Variants in SORBS2 observed in about 807,000 individuals in gnomAD.
SORBS2 encodes the protein sorbin and SH3 domain containing 2, also known as sorbin and SH3 domain-containing protein 2.
Under a neutral mutation model 97.7 loss-of-function variants are expected in SORBS2, and 46 were observed. That is an observed-to-expected ratio of 0.47 (90% CI 0.37 to 0.60). The LOEUF (loss-of-function observed/expected upper bound fraction) is 0.60, where lower values mean the gene tolerates loss of function less well. Ranked by LOEUF, SORBS2 falls within the 20% of genes least tolerant of loss-of-function variation. The pLI is 0.00. For missense variants in SORBS2, 1,316 were observed against 1,282.3 expected (o/e 1.03, Z -0.40); for synonymous variants, 476 against 473.4 (o/e 1.01, Z -0.07).
intron 9 of SORBS2, among the ~76,000 whole-genome samples, chr4:185,615,723 T>C (rs1006273986): frequency 1.5e-4 from 23 of 152,222 alleles, no homozygotes; most frequent in African/African-American, 5.3e-4. Flanking sequence ...TTATTTTGTG[T>C]AACAGAAAAG....
intron 4 of SORBS2, among the ~76,000 whole-genome samples, chr4:185,632,679 C>T (rs933980003): frequency 1.3e-5 from 2 of 152,172 alleles, no homozygotes; most frequent in Non-Finnish European, 2.9e-5. Flanking sequence ...TCACAACACT[C>T]TTAGAACAAC....
intron 2 of SORBS2, among the ~76,000 whole-genome samples, chr4:185,751,988 G>T (rs80228724): frequency 0.035 from 5,355 of 152,186 alleles, 329 homozygotes; most frequent in African/African-American, 0.12. Flanking sequence ...GGATGGGGGT[G>T]CTAACTGCCA....
chr4:185,617,039 G>A (rs1004341075), intron 9 of SORBS2, among the ~76,000 whole-genome samples: 6 of 152,200 alleles, frequency 3.9e-5, no homozygotes, highest in Admixed American at 1.3e-4. Context: ...ATGAGCCACC[G>A]TGCCCAGCTG....
At chr4:185,736,152 G>A (rs1188185217) in intron 2 of SORBS2, among the ~76,000 whole-genome samples, 1 of 152,220 alleles carries the variant, frequency 6.6e-6, no homozygotes, top group African/African-American at 2.4e-5. Flanking sequence ...TCATCCCACA[G>A]AGTTTGCCTT....
chr4:185,726,296 C>A (rs2098554080), intron 2 of SORBS2, among the ~76,000 whole-genome samples: 1 of 152,092 alleles, frequency 6.6e-6, no homozygotes, highest in East Asian at 1.9e-4. Flanking sequence ...TTTTCTGTGC[C>A]ACTTCATCTT....
At chr4:185,828,468 TATC>T (rs992364475) in intron 1 of SORBS2, among the ~76,000 whole-genome samples, 24 of 151,958 alleles carry the variant, frequency 1.6e-4, no homozygotes, top group African/African-American at 5.8e-4. Flanking sequence ...AAATCATCAT[TATC>T]ATCATCATCA....
chr4:185,641,422 C>T (rs1483195156), intron 4 of SORBS2, among the ~76,000 whole-genome samples: 5 of 151,952 alleles, frequency 3.3e-5, no homozygotes, highest in Non-Finnish European at 4.4e-5. Context: ...CTGTGGTTGC[C>T]GTATTGAATC....
At chr4:185,846,530 A>G (rs149590538) in intron 1 of SORBS2, among the ~76,000 whole-genome samples, 7 of 152,340 alleles carry the variant, frequency 4.6e-5, no homozygotes, top group Non-Finnish European at 7.3e-5. Flanking sequence ...AAAAAGGTGA[A>G]TACTGTATAT....
intron 1 of SORBS2, among the ~76,000 whole-genome samples, chr4:185,778,416 CA>C (rs1406969225): frequency 1.2e-4 from 18 of 149,912 alleles, no homozygotes; most frequent in African/African-American, 4.4e-4. Context: ...CACGGACCAA[CA>C]TTAACGTCAT....
intron 1 of SORBS2, among the ~76,000 whole-genome samples, chr4:185,777,917 C>T (rs2099007810): frequency 6.6e-6 from 1 of 152,126 alleles, no homozygotes; most frequent in Admixed American, 6.5e-5. Flanking sequence ...TCTCCTTGTA[C>T]CCCACAAATT....
At chr4:185,588,804 G>A (rs1011819153) in intron 14 of SORBS2, among the ~76,000 whole-genome samples, 9 of 152,024 alleles carry the variant, frequency 5.9e-5, no homozygotes, top group Non-Finnish European at 8.8e-5. Flanking sequence ...TGGTAGATAC[G>A]GGGTTTCACC....
At chr4:185,704,380 G>A (rs1239462738) in intron 2 of SORBS2, among the ~76,000 whole-genome samples, 11 of 151,952 alleles carry the variant, frequency 7.2e-5, no homozygotes, top group South Asian at 2.1e-4. Flanking sequence ...GTGCAGTGGC[G>A]TGATCTCGGC....
intron 2 of SORBS2, among the ~76,000 whole-genome samples, chr4:185,751,635 C>A (rs2098800947): frequency 6.6e-6 from 1 of 151,848 alleles, no homozygotes; most frequent in South Asian, 2.1e-4. Context: ...CTGACCACAA[C>A]AGAGACAGAA....
intron 2 of SORBS2, among the ~76,000 whole-genome samples, chr4:185,711,953 G>C (rs1324769634): frequency 2.0e-5 from 3 of 152,002 alleles, no homozygotes; most frequent in Admixed American, 2.0e-4. Flanking sequence ...TGCTTGTCCA[G>C]CCCCAAAACA....
chr4:185,730,650 C>T (rs1168048562), intron 2 of SORBS2, among the ~76,000 whole-genome samples: 2 of 152,238 alleles, frequency 1.3e-5, no homozygotes, highest in African/African-American at 4.8e-5. Flanking sequence ...TGAACAGCTG[C>T]AGGCCATGGA....
chr4:185,909,401 G>A (rs955439293), intron 1 of SORBS2, among the ~76,000 whole-genome samples: 5 of 152,078 alleles, frequency 3.3e-5, no homozygotes, highest in African/African-American at 1.2e-4. Context: ...ATGTGGGGAG[G>A]GGGTGGATGA....
intron 1 of SORBS2, among the ~76,000 whole-genome samples, chr4:185,806,707 C>T (rs1270152632): frequency 6.6e-6 from 1 of 152,046 alleles, no homozygotes; most frequent in African/African-American, 2.4e-5. Flanking sequence ...ATCCGCCCGC[C>T]TCGGCCTCCC....
chr4:185,885,070 T>C (rs1187923879), intron 1 of SORBS2, among the ~76,000 whole-genome samples: 1 of 152,088 alleles, frequency 6.6e-6, no homozygotes, highest in Non-Finnish European at 1.5e-5. Flanking sequence ...AAAATCAAAA[T>C]GTTTAATTAA....
intron 4 of SORBS2, among the ~76,000 whole-genome samples, chr4:185,674,807 A>G (rs879717609): frequency 3.9e-5 from 6 of 152,198 alleles, no homozygotes; most frequent in Middle Eastern, 3.4e-3. Context: ...TTCCTCCTTC[A>G]AAGCTGTTCT....
Sources: allele counts gnomAD v4.1 joint callset (sites outside exome capture counted in the v4.1 genomes callset), GRCh38; gene constraint gnomAD v4.1.1; transcripts MANE v1.5; gene names NCBI Gene and HGNC (gene_info 2026-07-23, HGNC 2026-07-21).